RNF130: variants seen among roughly 807,000 people sequenced by gnomAD.
RNF130 encodes E3 ubiquitin-protein ligase RNF130.
A neutral mutation model predicts 44.6 loss-of-function variants in RNF130; 21 were observed. The observed-to-expected ratio is 0.47, with a 90% CI of 0.33 to 0.68. The LOEUF is 0.68. Ranked by LOEUF, RNF130 falls within the 30% of genes least tolerant of loss-of-function variation. The pLI, the probability that RNF130 is intolerant of heterozygous loss-of-function variation, is 0.02. For missense variants in RNF130, 479 were observed against 560.6 expected (o/e 0.85, Z 1.47); for synonymous variants, 214 against 210.4 (o/e 1.02, Z -0.15).
At chr5:179,943,054 GC>G (rs1166323377) in intron 7 of RNF130, among the ~76,000 whole-genome samples, 2 of 152,158 alleles carry the variant, frequency 1.3e-5, no homozygotes, top group Non-Finnish European at 2.9e-5. Context: ...AATTAGTTGG[GC>G]GTGGTGGCAC....
intron 3 of RNF130, among the ~76,000 whole-genome samples, chr5:180,001,949 T>A (rs1221581660): frequency 6.6e-6 from 1 of 152,212 alleles, no homozygotes; most frequent in Non-Finnish European, 1.5e-5. Context: ...CATGGTGTAC[T>A]ATATCAGCTC....
intron 3 of RNF130, among the ~76,000 whole-genome samples, chr5:179,990,074 A>G (rs1310777031): frequency 2.6e-5 from 4 of 151,992 alleles, no homozygotes; most frequent in Non-Finnish European, 4.4e-5. Flanking sequence ...GAGACGAGAG[A>G]TTGCAGAAAT....
chr5:179,961,769 G>GCTA (rs1337102582), intron 8 of RNF130, among the ~76,000 whole-genome samples: 1 of 152,108 alleles, frequency 6.6e-6, no homozygotes, highest in Non-Finnish European at 1.5e-5. Context: ...TTGAATCACA[G>GCTA]CTACTCACAG....
intron 7 of RNF130, among the ~76,000 whole-genome samples, chr5:179,921,067 C>A (rs1761623910): frequency 6.6e-6 from 1 of 152,106 alleles, no homozygotes; most frequent in Non-Finnish European, 1.5e-5. Flanking sequence ...CTACTCAAAG[C>A]TGAGCTGTGC....
chr5:180,052,528 T>C (rs1195844516), intron 1 of RNF130, among the ~76,000 whole-genome samples: 1 of 152,256 alleles, frequency 6.6e-6, no homozygotes, highest in Non-Finnish European at 1.5e-5. Context: ...GGGAGCAAGC[T>C]TGTTTTATTT....
chr5:179,929,870 A>G (rs970046258), intron 7 of RNF130, among the ~76,000 whole-genome samples: 8 of 152,168 alleles, frequency 5.3e-5, no homozygotes, highest in African/African-American at 1.9e-4. Context: ...TAACACCTCC[A>G]TAGTATCGTG....
chr5:180,038,406 G>GTT (rs71591454), intron 2 of RNF130, among the ~76,000 whole-genome samples: 1 of 95,672 alleles, frequency 1.0e-5, no homozygotes, highest in Non-Finnish European at 2.5e-5. Context: ...AAAAAAGCCT[G>GTT]TTTTGTTTTT....
At chr5:179,926,653 A>C (rs1266012719) in intron 7 of RNF130, among the ~76,000 whole-genome samples, 1 of 152,194 alleles carries the variant, frequency 6.6e-6, no homozygotes, top group Non-Finnish European at 1.5e-5. Context: ...ATCTCAAAAA[A>C]ATAAAATAAA....
At chr5:180,026,010 C>A (rs1047182001) in intron 2 of RNF130, among the ~76,000 whole-genome samples, 1 of 151,526 alleles carries the variant, frequency 6.6e-6, no homozygotes, top group East Asian at 1.9e-4. Flanking sequence ...CAAAGTGTGA[C>A]ATTTTTCTAT....
intron 7 of RNF130, among the ~76,000 whole-genome samples, chr5:179,922,512 C>T: frequency 6.6e-6 from 1 of 151,818 alleles, no homozygotes; most frequent in South Asian, 2.1e-4. Flanking sequence ...GGGGTTTCAC[C>T]ATGTTGGCCA....
In RNF130 at chr5:180,071,670, C is replaced by T. The variant is rs1232459166; in HGVS notation, c.33G>A (p.Arg11=). Residue 11 remains arginine, a synonymous_variant, in exon 1 of 9, where the codon CGG becomes CGA. Coordinates refer to ENST00000521389, the MANE Select transcript of RNF130 (RefSeq NM_018434.6). Reference sequence around the variant, plus strand: ...AGGTCAGCAGGGCGAGCGCGGCGAGCCGGGCAGGGCCCGCCCGCCCCGCGC... The same window carrying T: ...AGGTCAGCAGGGCGAGCGCGGCGAGTCGGGCAGGGCCCGCCCGCCCCGCGC... MSCAGRAGPA[R]LAALALLTCS... The T allele has an allele frequency of 1.1e-5, 15 of 1,418,710 alleles. No individual in the cohort carries two copies. Among genetic ancestry groups the T allele is most frequent in the Non-Finnish European group, 1.3e-5 (14 of 1,082,446 alleles). 87.9% of individuals were successfully genotyped at this position (1,418,710 alleles called of 1,614,324 possible). A position where few individuals can be genotyped will look rare whatever the true frequency, so the allele number is the denominator to read the frequency against.
Position 179,966,822 on chromosome 5 carries a change from G to A in RNF130, c.1134C>T (p.Ile378=). ...CCCACTTACTTGTTACTGCAATGTT[G>A]ATTTCTCCTGTTCTCGGAGTGAGCT... is the stretch of plus-strand genomic sequence containing the variant. The part of the protein sequence containing the change: ...DGELTPRTGE[I]NIAVTKEWFI... Residue 378 remains isoleucine (I), a synonymous_variant, in exon 7 of 9, where the codon ATC becomes ATT. Transcript: ENST00000521389. 1.2e-6 allele frequency: 2 copies of A among 1,613,838 alleles called. No homozygotes were observed. Among genetic ancestry groups the A allele is most frequent in the Non-Finnish European group, 1.7e-6 (2 of 1,179,882 alleles).
intron 1 of RNF130, among the ~76,000 whole-genome samples, chr5:180,062,458 T>C (rs1024796446): frequency 6.6e-6 from 1 of 152,044 alleles, no homozygotes; most frequent in African/African-American, 2.4e-5. Flanking sequence ...CACTATCACA[T>C]TGGAAATGGA....
At chr5:179,944,477 T>C (rs1254444799) in intron 7 of RNF130, among the ~76,000 whole-genome samples, 1 of 152,042 alleles carries the variant, frequency 6.6e-6, no homozygotes, top group African/African-American at 2.4e-5. Flanking sequence ...TATTTTTTAT[T>C]TTTTGAGATG....
chr5:180,002,816 T>TAAC (rs1195218463), intron 3 of RNF130, among the ~76,000 whole-genome samples: 1 of 152,176 alleles, frequency 6.6e-6, no homozygotes, highest in Admixed American at 6.5e-5. Context: ...CTCCCTCTGT[T>TAAC]ATTTTCATTA....
chr5:180,070,340 A>G (rs898944815), intron 1 of RNF130, among the ~76,000 whole-genome samples: 2 of 152,222 alleles, frequency 1.3e-5, no homozygotes, highest in African/African-American at 4.8e-5. Context: ...GACTTTTCAA[A>G]GCCTAGTCTG....
At chr5:180,057,262 TGTCGGGGTGGGCACA>T (rs901658772) in intron 1 of RNF130, among the ~76,000 whole-genome samples, 5 of 152,176 alleles carry the variant, frequency 3.3e-5, no homozygotes, top group African/African-American at 1.2e-4. Flanking sequence ...ATCATGTCTG[TGTCGGGGTGGGCACA>T]GTGGCTCACG....
At chr5:179,954,159 G>C (rs1275413683), downstream of RNF130, among the ~76,000 whole-genome samples, 1 of 152,184 alleles carries the variant, frequency 6.6e-6, no homozygotes, top group Non-Finnish European at 1.5e-5. Context: ...ATGCAAAATG[G>C]TGCAGTTGCT....
intron 7 of RNF130, among the ~76,000 whole-genome samples, chr5:179,938,224 C>T (rs182192551): frequency 1.3e-5 from 2 of 152,278 alleles, no homozygotes; most frequent in Middle Eastern, 3.4e-3. Flanking sequence ...TCTCAAAGTA[C>T]TGGGATCACA....
Sources: allele counts gnomAD v4.1 joint callset (sites outside exome capture counted in the v4.1 genomes callset), GRCh38; gene constraint gnomAD v4.1.1; transcripts MANE v1.5; gene names NCBI Gene and HGNC (gene_info 2026-07-23, HGNC 2026-07-21).